PCDH7: variants seen among roughly 807,000 people sequenced by gnomAD.
PCDH7 encodes protocadherin-7.
PCDH7 carries 17 observed loss-of-function variants against 58.9 expected under a neutral mutation model. The observed-to-expected ratio is 0.29, with a 90% CI of 0.20 to 0.43. The LOEUF (loss-of-function observed/expected upper bound fraction) is 0.43, where lower values mean the gene tolerates loss of function less well. Among genes scored for constraint, PCDH7 ranks in the 20% least tolerant of loss-of-function variants. PCDH7 has a pLI of 1.00. For synonymous variants in PCDH7, 664 were observed against 616.4 expected (o/e 1.08, Z -1.14); for missense variants, 1,274 against 1,441.0 (o/e 0.88, Z 1.88).
intron 3 of PCDH7, among the ~76,000 whole-genome samples, chr4:31,082,964 T>C (rs572352140): frequency 5.3e-5 from 8 of 152,022 alleles, no homozygotes; most frequent in East Asian, 1.9e-4. Context: ...AAAAATTAGC[T>C]GGGTGTGGTG....
intron 3 of PCDH7, among the ~76,000 whole-genome samples, chr4:30,976,719 G>A (rs1010747485): frequency 2.0e-5 from 3 of 152,068 alleles, no homozygotes; most frequent in African/African-American, 7.2e-5. Context: ...TTAAAGAAAA[G>A]CGAGTAAACA....
At chr4:31,077,418 A>AG (rs200521002) in intron 3 of PCDH7, among the ~76,000 whole-genome samples, 1,662 of 148,712 alleles carry the variant, frequency 0.011, 32 homozygotes, top group African/African-American at 0.038. Flanking sequence ...TCAAAAAAAA[A>AG]AAAAAAGAAA....
intron 3 of PCDH7, among the ~76,000 whole-genome samples, chr4:31,011,513 A>G (rs967279371): frequency 6.6e-6 from 1 of 151,856 alleles, no homozygotes; most frequent in Non-Finnish European, 1.5e-5. Context: ...TCTCTTTTCT[A>G]TTCTTCTTTT....
At chr4:30,963,762 T>A (rs899128449) in intron 3 of PCDH7, among the ~76,000 whole-genome samples, 1 of 152,132 alleles carries the variant, frequency 6.6e-6, no homozygotes, top group Non-Finnish European at 1.5e-5. Context: ...GAACTACCCC[T>A]TTTTCTCATT....
rs765602808 is a variant in PCDH7 at position 30,722,527 on chromosome 4, G to T, written c.1105G>T (p.Val369Phe). ...TGACGAGACGTCCGGCTGGCTCAGC[G>T]TCCTGCACCGGATCGACCGCGAGGA... Residue 369 changes from valine to phenylalanine, a missense_variant, in exon 1 of 2, where the codon GTC (valine) becomes TTC (phenylalanine). Val to Phe is a conservative substitution (Grantham distance 50). Coordinates refer to ENST00000361762, the Ensembl canonical transcript of PCDH7. The surrounding 1 kb of genome is among the most constrained non-coding windows in gnomAD (Gnocchi z 7.6). The T allele has an allele frequency of 8.1e-6, 13 of 1,611,724 alleles. No individual in the cohort carries two copies. The South Asian group carries it at 1.3e-4, about 16-fold the overall frequency.
At chr4:30,924,769 A>G (rs185794806) in intron 2 of PCDH7, among the ~76,000 whole-genome samples, 186 of 152,078 alleles carry the variant, frequency 1.2e-3, no homozygotes, top group African/African-American at 4.1e-3. Flanking sequence ...TAGAATAAGC[A>G]CATGTGTTTT....
intron 3 of PCDH7, among the ~76,000 whole-genome samples, chr4:30,965,990 T>C (rs1357376559): frequency 2.0e-5 from 3 of 152,170 alleles, no homozygotes; most frequent in Admixed American, 2.0e-4. Context: ...TTCAGGATAA[T>C]TAATCTTCAG....
intron 3 of PCDH7, among the ~76,000 whole-genome samples, chr4:31,107,669 T>C (rs1360255498): frequency 6.6e-6 from 1 of 152,164 alleles, no homozygotes; most frequent in Non-Finnish European, 1.5e-5. Context: ...TTTGGGGTAA[T>C]AGATTCCATA....
intron 2 of PCDH7, among the ~76,000 whole-genome samples, chr4:30,945,295 A>G (rs1283038373): frequency 6.6e-6 from 1 of 152,108 alleles, no homozygotes; most frequent in Admixed American, 6.6e-5. Context: ...TTGTAATATA[A>G]TTCAGTAGCT....
At chr4:30,810,818 C>T (rs546066449) in intron 1 of PCDH7, among the ~76,000 whole-genome samples, 1 of 152,200 alleles carries the variant, frequency 6.6e-6, no homozygotes, top group Non-Finnish European at 1.5e-5. Context: ...CCATGTTGGC[C>T]AGGGTGGTCT....
intron 1 of PCDH7, among the ~76,000 whole-genome samples, chr4:30,728,296 TAGAG>T (rs67735645): frequency 0.18 from 18,789 of 105,024 alleles, 1,276 homozygotes; most frequent in East Asian, 0.27. Context: ...TATATATATA[TAGAG>T]AGAGAGAGAG....
chr4:30,731,278 T>G, exon 2 of PCDH7: 4 of 352,428 alleles, frequency 1.1e-5, no homozygotes, highest in Non-Finnish European at 1.6e-5. Context: ...AAGGATAATA[T>G]CTTTTGCTCA....
At position 30,868,755 on chromosome 4, in the gene PCDH7, G is replaced by T. The variant is rs144915201; in HGVS notation, c.71-51398G>T. On this transcript the variant is annotated intron_variant, in intron 1 of 3. Transcript: ENST00000509759. ...AAAAGCAATTTGTTCTTTTACTGAAGAGCCCATCCAAAGTAAAGCTGTCAG... is the reference window on the plus strand; with the variant it reads ...AAAAGCAATTTGTTCTTTTACTGAATAGCCCATCCAAAGTAAAGCTGTCAG... Among the ~76,000 whole-genome samples the T allele has an allele frequency of 2.6e-5, 4 of 152,112 alleles. No individual in the cohort carries two copies. In the East Asian group the frequency reaches 7.8e-4, roughly 30 times the overall value.
chr4:30,887,225 T>C (rs1368076732), intron 1 of PCDH7, among the ~76,000 whole-genome samples: 1 of 152,206 alleles, frequency 6.6e-6, no homozygotes, highest in Non-Finnish European at 1.5e-5. Context: ...AATAATCCCC[T>C]GTTGATAGTA....
At chr4:30,834,758 T>C (rs1468190345) in intron 1 of PCDH7, among the ~76,000 whole-genome samples, 1 of 152,158 alleles carries the variant, frequency 6.6e-6, no homozygotes, top group African/African-American at 2.4e-5. Context: ...TCTGAGGATG[T>C]TCCCTTGTTC....
intron 1 of PCDH7, among the ~76,000 whole-genome samples, chr4:30,915,829 C>T (rs1283115684): frequency 2.0e-5 from 3 of 152,020 alleles, no homozygotes; most frequent in Non-Finnish European, 4.4e-5. Flanking sequence ...GGCCCTCACC[C>T]TTTTTTTCAA....
chr4:31,061,105 A>T (rs565331155), intron 3 of PCDH7, among the ~76,000 whole-genome samples: 15 of 151,682 alleles, frequency 9.9e-5, no homozygotes, highest in Admixed American at 7.9e-4. Flanking sequence ...GACTTCATTT[A>T]TTGTCATGTT....
intron 3 of PCDH7, among the ~76,000 whole-genome samples, chr4:30,974,932 T>C (rs1050015837): frequency 6.6e-6 from 1 of 152,186 alleles, no homozygotes; most frequent in Admixed American, 6.5e-5. Context: ...TTTCTCATTC[T>C]TTTTAGCCTA....
At chr4:30,920,176 T>C (rs1321689262) in exon 2 of PCDH7, 1 of 1,367,804 alleles carries the variant, frequency 7.3e-7, no homozygotes, top group East Asian at 4.6e-5. Context: ...TGACGTTTTC[T>C]GTTGTGAGTC....
Sources: allele counts gnomAD v4.1 joint callset (sites outside exome capture counted in the v4.1 genomes callset), GRCh38; gene constraint gnomAD v4.1.1; non-coding constraint Gnocchi (gnomAD v3.1); transcripts MANE v1.5; gene names NCBI Gene and HGNC (gene_info 2026-07-23, HGNC 2026-07-21).